ESR1: variants seen among roughly 807,000 people sequenced by gnomAD.
ESR1 encodes estrogen receptor.
ESR1 carries 12 observed loss-of-function variants against 52.7 expected under a neutral mutation model. That is an observed-to-expected ratio of 0.23 (90% confidence interval 0.15 to 0.37). ESR1 has a LOEUF of 0.37. Ranked by LOEUF, ESR1 falls within the 10% of genes least tolerant of loss-of-function variation. ESR1 has a pLI of 1.00. For synonymous variants in ESR1, 305 were observed against 316.8 expected (o/e 0.96, Z 0.39); for missense variants, 584 against 779.7 (o/e 0.75, Z 2.99).
intron 2 of ESR1, among the ~76,000 whole-genome samples, chr6:151,703,052 T>C (rs1373267748): frequency 3.3e-5 from 5 of 152,220 alleles, no homozygotes; most frequent in African/African-American, 1.2e-4. Flanking sequence ...CCTAGGTCTG[T>C]CTGCCAATCA....
At position 152,100,124 on chromosome 6, in the gene ESR1, CTTGCAGACCCCGCA is replaced by C; in HGVS notation, c.*1163_*1176del. ...AGGCTGCAGCTACCTAGGAACATTC[CTTGCAGACCCCGCA>C]TTGCCCTTTGGGGGTGCCCTGGGAT... On this transcript the variant is annotated 3_prime_UTR_variant, in exon 8 of 8. Transcript: ENST00000206249. 1 of 398,766 alleles carries C rather than the reference CTTGCAGACCCCGCA, an allele frequency of 2.5e-6. No homozygotes were observed. The highest frequency in any genetic ancestry group is 4.4e-6 in the Non-Finnish European group (1 of 226,168). 24.7% of individuals were successfully genotyped at this position (398,766 alleles called of 1,614,324 possible).
At chr6:151,867,195 A>G (rs1007666971) in intron 2 of ESR1, among the ~76,000 whole-genome samples, 1 of 152,212 alleles carries the variant, frequency 6.6e-6, no homozygotes, top group Non-Finnish European at 1.5e-5. Flanking sequence ...AATTCAGGAC[A>G]TAGGCATGGG....
At chr6:151,814,578 G>A (rs570577841) in intron 1 of ESR1, among the ~76,000 whole-genome samples, 1 of 152,230 alleles carries the variant, frequency 6.6e-6, no homozygotes, top group Admixed American at 6.5e-5. Context: ...AGAATATACC[G>A]TAATAACTCA....
chr6:151,739,818 A>T (rs1453147286), intron 2 of ESR1, among the ~76,000 whole-genome samples: 1 of 152,012 alleles, frequency 6.6e-6, no homozygotes, highest in Non-Finnish European at 1.5e-5. Flanking sequence ...CTTCTTTCAT[A>T]CCTTTTAGTT....
At chr6:152,035,186 A>G (rs1356588756) in intron 5 of ESR1, among the ~76,000 whole-genome samples, 2 of 152,148 alleles carry the variant, frequency 1.3e-5, no homozygotes, top group Admixed American at 6.5e-5. Flanking sequence ...TATTTTGCTA[A>G]TATACAATCC....
Position 151,723,602 on chromosome 6 carries a change from C to A in ESR1, c.-71+21597C>A, listed in dbSNP as rs368274117. ...CAGCGCTTGTGGCCGGATACAGTGG[C>A]TCACACCTGTAATCCCAGCACTTTG... On this transcript the variant is annotated intron_variant, in intron 2 of 2. Coordinates refer to the ESR1 transcript ENST00000404742. Among the ~76,000 whole-genome samples the A allele has an allele frequency of 5.3e-5, 8 of 152,234 alleles. No individual in the cohort carries two copies. In the East Asian group the frequency reaches 9.6e-4, roughly 18 times the overall value.
chr6:151,865,845 G>T (rs1161354020), intron 2 of ESR1, among the ~76,000 whole-genome samples: 1 of 152,100 alleles, frequency 6.6e-6, no homozygotes, highest in African/African-American at 2.4e-5. Flanking sequence ...AGATTTTTCC[G>T]GGCTCTCTTT....
chr6:151,737,358 A>G (rs374138948), intron 2 of ESR1, among the ~76,000 whole-genome samples: 1 of 152,152 alleles, frequency 6.6e-6, no homozygotes, highest in Non-Finnish European at 1.5e-5. Context: ...CTCAAGAAAC[A>G]TTGTTTCAAG....
At chr6:151,729,366 A>G (rs550401056) in intron 2 of ESR1, among the ~76,000 whole-genome samples, 2 of 152,304 alleles carry the variant, frequency 1.3e-5, no homozygotes, top group African/African-American at 4.8e-5. Context: ...CACCTAGTCT[A>G]TAGTGTGTTT....
intron 2 of ESR1, among the ~76,000 whole-genome samples, chr6:151,845,152 C>T (rs953059490): frequency 4.6e-5 from 7 of 151,866 alleles, no homozygotes; most frequent in African/African-American, 1.5e-4. Context: ...GCATTAAGAA[C>T]AGAAAAAACA....
At chr6:151,983,245 T>C (rs1464141352) in intron 4 of ESR1, among the ~76,000 whole-genome samples, 2 of 152,028 alleles carry the variant, frequency 1.3e-5, no homozygotes, top group Non-Finnish European at 2.9e-5. Context: ...CCAATAAAAA[T>C]TCACCACGTA....
At chr6:151,869,162 T>G (rs1481713339) in intron 2 of ESR1, among the ~76,000 whole-genome samples, 1 of 152,176 alleles carries the variant, frequency 6.6e-6, no homozygotes, top group East Asian at 1.9e-4. Context: ...CTTCTTCAGC[T>G]TAGGACAAGA....
intron 5 of ESR1, among the ~76,000 whole-genome samples, chr6:152,033,422 A>T (rs1017084427): frequency 2.0e-5 from 3 of 152,224 alleles, no homozygotes; most frequent in African/African-American, 7.2e-5. Context: ...TCCAGAATCT[A>T]CAAAGAACTC....
chr6:151,924,656 T>A (rs2032354758), intron 3 of ESR1, among the ~76,000 whole-genome samples: 1 of 152,120 alleles, frequency 6.6e-6, no homozygotes, highest in South Asian at 2.1e-4. Context: ...TCTCATTATT[T>A]ATCTCTCACT....
intron 2 of ESR1, among the ~76,000 whole-genome samples, chr6:151,853,827 C>T (rs191248384): frequency 5.3e-5 from 8 of 152,260 alleles, no homozygotes; most frequent in Non-Finnish European, 7.4e-5. Context: ...TGACTATTTC[C>T]ATTAAAGTAG....
intron 1 of ESR1, among the ~76,000 whole-genome samples, chr6:151,837,680 A>T (rs1323545056): frequency 6.6e-6 from 1 of 152,144 alleles, no homozygotes; most frequent in South Asian, 2.1e-4. Flanking sequence ...CTCTACAGGC[A>T]TCTGTTAGGT....
At chr6:151,940,310 C>T (rs2034900609) in intron 3 of ESR1, among the ~76,000 whole-genome samples, 2 of 152,134 alleles carry the variant, frequency 1.3e-5, no homozygotes, top group African/African-American at 4.8e-5. Flanking sequence ...AACTACAATT[C>T]AAGATGAGAT....
chr6:152,114,407 C>T (rs1473403697), intron 6 of ESR1, among the ~76,000 whole-genome samples: 1 of 152,058 alleles, frequency 6.6e-6, no homozygotes, highest in African/African-American at 2.4e-5. Context: ...AAGCTCATCT[C>T]CTAGGATTCA....
At chr6:151,764,789 GTGT>G (rs1332286559) in intron 2 of ESR1, among the ~76,000 whole-genome samples, 4 of 152,196 alleles carry the variant, frequency 2.6e-5, no homozygotes, top group Non-Finnish European at 5.9e-5. Context: ...AATGGCATCA[GTGT>G]CTGTTACACG....
Sources: gnomAD v4.1 joint callset for allele counts (sites outside exome capture counted in the v4.1 genomes callset) on GRCh38, gnomAD v4.1.1 for gene constraint, MANE v1.5 for transcripts, NCBI Gene and HGNC (gene_info 2026-07-23, HGNC 2026-07-21) for gene names.